CD8B2: variants seen among roughly 807,000 people sequenced by gnomAD.
CD8B2 encodes the protein T-cell surface glycoprotein CD8 beta-2 chain.
A neutral mutation model predicts 23.7 loss-of-function variants in CD8B2; 11 were observed. The observed-to-expected ratio is 0.46, with a 90% CI of 0.29 to 0.77. The LOEUF (loss-of-function observed/expected upper bound fraction) is 0.77. CD8B2 is among the 30% of genes least tolerant of loss of function. CD8B2 has a pLI of 0.09. For synonymous variants in CD8B2, 90 were observed against 109.3 expected, an observed-to-expected ratio of 0.82 and a Z score of 1.10; for missense variants, 197 against 270.5, an observed-to-expected ratio of 0.73 and a Z score of 1.91.
chr2:106,514,567 G>T (rs972716564), downstream of CD8B2, among the ~76,000 whole-genome samples: 5 of 151,724 alleles, frequency 3.3e-5, no homozygotes, highest in Admixed American at 6.6e-5. Context: ...GATTTCAGGC[G>T]TGAGCCACTG....
At chr2:106,544,285 C>CT (rs1680218997) in exon 6 of CD8B2, 1 of 376,630 alleles carries the variant, frequency 2.7e-6, no homozygotes, top group South Asian at 1.5e-4. Context: ...AAATAAACGT[C>CT]TTAATGACTA....
intron 5 of CD8B2, among the ~76,000 whole-genome samples, chr2:106,526,010 G>T (rs1451574005): frequency 6.6e-6 from 1 of 152,212 alleles, no homozygotes; most frequent in African/African-American, 2.4e-5. Context: ...GGGAGGCCAA[G>T]GCGGGAAATT....
At chr2:106,492,592 C>A (rs62153985) in intron 2 of CD8B2, among the ~76,000 whole-genome samples, 1 of 145,584 alleles carries the variant, frequency 6.9e-6, no homozygotes, top group Admixed American at 6.8e-5. Context: ...TCACAGCCTG[C>A]CTCTGGCTCT....
intron 1 of CD8B2, among the ~76,000 whole-genome samples, chr2:106,488,803 C>T (rs1259603611): frequency 1.1e-4 from 15 of 141,042 alleles, no homozygotes; most frequent in Admixed American, 4.5e-4. Context: ...ACAATGTATG[C>T]GCCATGCCAG....
downstream of CD8B2, among the ~76,000 whole-genome samples, chr2:106,515,479 C>A (rs1679715587): frequency 6.6e-6 from 1 of 152,160 alleles, no homozygotes; most frequent in Non-Finnish European, 1.5e-5. Context: ...GGGATTAGTG[C>A]CCTTAGAGGA....
intron 3 of CD8B2, among the ~76,000 whole-genome samples, chr2:106,496,497 C>T (rs1305693766): frequency 6.6e-6 from 1 of 152,174 alleles, no homozygotes; most frequent in Non-Finnish European, 1.5e-5. Context: ...TCCACCCACA[C>T]CCCTGCACAC....
chr2:106,525,181 G>A (rs1047659514), intron 5 of CD8B2, among the ~76,000 whole-genome samples: 11 of 152,234 alleles, frequency 7.2e-5, no homozygotes, highest in Middle Eastern at 3.4e-3. Context: ...TGCAATCAAT[G>A]GGCCCAGGGT....
chr2:106,512,084 G>A (rs1431093520), downstream of CD8B2, among the ~76,000 whole-genome samples: 2 of 152,130 alleles, frequency 1.3e-5, no homozygotes, highest in Non-Finnish European at 2.9e-5. Flanking sequence ...ACGTAATTTT[G>A]TTGTTGTTTG....
intron 3 of CD8B2, among the ~76,000 whole-genome samples, chr2:106,501,027 G>A (rs1558877442): frequency 6.6e-6 from 1 of 152,198 alleles, no homozygotes; most frequent in African/African-American, 2.4e-5. Flanking sequence ...CACTATTGGC[G>A]GGTGGGGACG....
chr2:106,517,757 G>C (rs1056726777), intron 5 of CD8B2, among the ~76,000 whole-genome samples: 2 of 151,784 alleles, frequency 1.3e-5, no homozygotes, highest in African/African-American at 4.8e-5. Flanking sequence ...CCGTCGCCCA[G>C]GCTGGAGTGC....
At chr2:106,525,577 G>T (rs933100089) in intron 5 of CD8B2, among the ~76,000 whole-genome samples, 30 of 152,052 alleles carry the variant, frequency 2.0e-4, no homozygotes, top group African/African-American at 7.2e-4. Flanking sequence ...GTTCTACCAC[G>T]TTTTCGTCAC....
intron 3 of CD8B2, among the ~76,000 whole-genome samples, chr2:106,497,117 A>G (rs1453271644): frequency 1.3e-5 from 2 of 152,166 alleles, no homozygotes. Flanking sequence ...CTCTACAAAA[A>G]TGTAAAAAAA....
At chr2:106,494,786 C>T (rs950691035) in intron 2 of CD8B2, among the ~76,000 whole-genome samples, 1 of 152,204 alleles carries the variant, frequency 6.6e-6, no homozygotes, top group African/African-American at 2.4e-5. Context: ...ACACAGCACT[C>T]ACCACTTGGG....
intron 4 of CD8B2, among the ~76,000 whole-genome samples, chr2:106,503,772 A>C (rs1286462658): frequency 6.6e-6 from 1 of 152,122 alleles, no homozygotes; most frequent in Non-Finnish European, 1.5e-5. Flanking sequence ...CATTCCTAAA[A>C]AAATAAATGA....
Position 106,509,593 on chromosome 2 carries a change from C to T in CD8B2, c.*2653C>T, listed in dbSNP as rs1007672244. 1.3e-5 allele frequency: 2 copies of T among 151,830 alleles called. No homozygotes were observed. The highest frequency in any genetic ancestry group is 4.8e-5 in the African/African-American group (2 of 41,270). The allele number at this position is 151,830 out of a possible 1,614,324, so 9.4% of individuals were successfully genotyped here. A position where few individuals can be genotyped will look rare whatever the true frequency, so the allele number is the denominator to read the frequency against. On this transcript the variant is annotated 3_prime_UTR_variant, in exon 6 of 6. Transcript: ENST00000643224. Reference sequence around the variant, plus strand: ...GCTGGGGGCAGGGGTGGTTTGTGCTCCTCCGTCAGTTTTCTGTGCAGCAGG... The same window carrying T: ...GCTGGGGGCAGGGGTGGTTTGTGCTTCTCCGTCAGTTTTCTGTGCAGCAGG...
intron 5 of CD8B2, among the ~76,000 whole-genome samples, chr2:106,506,358 C>T (rs1327716395): frequency 2.6e-5 from 4 of 152,184 alleles, no homozygotes; most frequent in East Asian, 3.9e-4. Context: ...TCTGGGTGGT[C>T]GTGGGGGGAC....
chr2:106,514,253 G>A (rs1226061865), downstream of CD8B2, among the ~76,000 whole-genome samples: 1 of 150,690 alleles, frequency 6.6e-6, no homozygotes. Flanking sequence ...TGTGGCAGGC[G>A]ATTTGGTGGG....
intron 2 of CD8B2, among the ~76,000 whole-genome samples, chr2:106,494,472 C>CT (rs11444117): frequency 0.25 from 37,373 of 147,928 alleles, 4,940 homozygotes; most frequent in African/African-American, 0.3. Flanking sequence ...CTTTTCTTTT[C>CT]TTTTTTTTTT....
At chr2:106,531,097 A>T (rs1456196411) in intron 5 of CD8B2, among the ~76,000 whole-genome samples, 1 of 152,164 alleles carries the variant, frequency 6.6e-6, no homozygotes. Flanking sequence ...CTCACCCTAA[A>T]TTATTTCTTT....
Sources: allele counts gnomAD v4.1 joint callset (sites outside exome capture counted in the v4.1 genomes callset), GRCh38; gene constraint gnomAD v4.1.1; transcripts MANE v1.5; gene names NCBI Gene and HGNC (gene_info 2026-07-23, HGNC 2026-07-21).